The following IFT140 variants were observed in gnomAD, a reference collection of about 807,000 sequenced individuals.
IFT140 encodes the protein intraflagellar transport 140.
A neutral mutation model predicts 164.6 loss-of-function variants in IFT140; 133 were observed. The ratio of observed to expected loss-of-function variants is 0.81; its 90% CI spans 0.70 to 0.93. The LOEUF is 0.93. IFT140 is among the 40% of genes least tolerant of loss of function. The pLI, the probability that IFT140 is intolerant of heterozygous loss-of-function variation, is 0.00. For missense variants in IFT140, 2,045 were observed against 1,972.3 expected, an observed-to-expected ratio of 1.04 and a Z score of -0.70; for synonymous variants, 860 against 817.3, an observed-to-expected ratio of 1.05 and a Z score of -0.89.
chr16:1,536,157 G>A (rs1019573791), intron 19 of IFT140, among the ~76,000 whole-genome samples: 13 of 152,218 alleles, frequency 8.5e-5, no homozygotes, highest in African/African-American at 2.9e-4. Context: ...CCTCCTAACT[G>A]CTGCCACCAA....
chr16:1,601,278 A>AG (rs974365584), intron 4 of IFT140, among the ~76,000 whole-genome samples: 6 of 152,148 alleles, frequency 3.9e-5, no homozygotes, highest in African/African-American at 9.6e-5. Context: ...AAAAAAAAAA[A>AG]AGAGAGAGAC....
At chr16:1,556,832 C>T (rs888875131) in intron 19 of IFT140, among the ~76,000 whole-genome samples, 1 of 152,158 alleles carries the variant, frequency 6.6e-6, no homozygotes, top group Non-Finnish European at 1.5e-5. Context: ...TTCTTTTGGA[C>T]GGAGTCTCAC....
intron 4 of IFT140, among the ~76,000 whole-genome samples, chr16:1,596,886 C>T (rs2035491384): frequency 6.6e-6 from 1 of 152,124 alleles, no homozygotes; most frequent in Non-Finnish European, 1.5e-5. Context: ...GGGTGTCTCT[C>T]CACCATCTGT....
At chr16:1,536,864 C>T (rs149891354) in intron 19 of IFT140, among the ~76,000 whole-genome samples, 6 of 152,332 alleles carry the variant, frequency 3.9e-5, no homozygotes, top group East Asian at 3.9e-4. Context: ...CCCCCACTCA[C>T]GTGCACCCAT....
chr16:1,521,017 C>G (rs950554736), intron 26 of IFT140, among the ~76,000 whole-genome samples: 4 of 152,216 alleles, frequency 2.6e-5, no homozygotes, highest in Non-Finnish European at 4.4e-5. Flanking sequence ...GTTAACATTC[C>G]AGAATGGAAC....
chr16:1,528,184 C>A (rs2029931277), intron 19 of IFT140, among the ~76,000 whole-genome samples: 1 of 152,110 alleles, frequency 6.6e-6, no homozygotes, highest in Admixed American at 6.5e-5. Context: ...CAGACAAAGG[C>A]CCTGTTCCAA....
At position 1,602,501 on chromosome 16, in the gene IFT140, A is replaced by G; in HGVS notation, c.238T>C (p.Trp80Arg). 2 of 1,614,168 alleles carry G rather than the reference A, an allele frequency of 1.2e-6. No homozygotes were observed. Among genetic ancestry groups the G allele is most frequent in the Non-Finnish European group, 1.7e-6 (2 of 1,180,034 alleles). ...AACACCGTCACTTCTCCAGTCTCCC[A>G]GCCCACAGCCAGCACCAGCCGCGTC... The part of the protein sequence containing the change: ...HPTRLVLAVG[W>R]ETGEVTVFNK... Residue 80 changes from tryptophan to arginine, a missense_variant, in exon 4 of 31, where the codon TGG (tryptophan) becomes CGG (arginine). Physicochemically the swap from Trp to Arg is moderately radical, Grantham distance 101 (BLOSUM62 -3). Coordinates refer to ENST00000426508, the MANE Select transcript of IFT140 (RefSeq NM_014714.4).
rs1448611007 is a variant in IFT140 at position 1,551,884 on chromosome 16, G to C, written c.2399+6051C>G. 6.6e-6 allele frequency among the ~76,000 whole-genome samples: 1 copy of C among 152,090 alleles called. No individual in the cohort carries two copies. The highest frequency in any genetic ancestry group is 1.9e-4 in the East Asian group (1 of 5,172). ...TTTCCTAGAAAGCCACTGTAAATCC[G>C]AGCTGTGCACTCAGAAGCCTCCCGG... On this transcript the variant is annotated intron_variant, in intron 19 of 30. Transcript: ENST00000426508. The surrounding 1 kb of genome is among the most constrained non-coding windows in gnomAD (Gnocchi z 4.0).
intron 18 of IFT140, among the ~76,000 whole-genome samples, chr16:1,559,279 C>A (rs1176495910): frequency 1.3e-5 from 2 of 152,244 alleles, no homozygotes; most frequent in Non-Finnish European, 2.9e-5. Flanking sequence ...CCTCTGATAA[C>A]AATGTCAGCT....
chr16:1,524,023 G>T, intron 24 of IFT140, 67 bp from the exon 25 acceptor site: 1 of 1,571,772 alleles, frequency 6.4e-7, no homozygotes, highest in South Asian at 1.2e-5. Context: ...TGAGATTCTG[G>T]AATGTGGCCG....
chr16:1,519,330 A>C (rs1466875816), intron 29 of IFT140, among the ~76,000 whole-genome samples: 1 of 152,336 alleles, frequency 6.6e-6, no homozygotes, highest in Admixed American at 6.5e-5. Context: ...TGGTGGCCAC[A>C]CAGCAGCTCT....
chr16:1,583,509 C>T (rs1048506159), intron 11 of IFT140, 123 bp from the exon 12 acceptor site: 53 of 710,582 alleles, frequency 7.5e-5, no homozygotes, highest in Middle Eastern at 2.4e-4. Context: ...CATCATCCTA[C>T]GACTATGAGA....
rs759362311 is a variant in IFT140, at chr16:1,589,742, G to C, written c.673C>G (p.Gln225Glu). The change falls in exon 7 of 31, where the codon CAG becomes GAG. Residue 225 changes from glutamine (Q) to glutamate (E), a missense_variant. Coordinates refer to ENST00000426508, the MANE Select transcript of IFT140 (RefSeq NM_014714.4). ...ATCGTGCTGTCTGCGGACACCACCT[G>C]AGTGGTCTTGCCCTTCTCATCCACA... ...HYVDEKGKTTQVVSADSTIQM... is the reference protein window; with the variant it reads ...HYVDEKGKTTEVVSADSTIQM... 6.2e-7 allele frequency: 1 copy of C among 1,614,174 alleles called. No homozygotes were observed. The highest frequency in any genetic ancestry group is 8.5e-7 in the Non-Finnish European group (1 of 1,180,022).
At chr16:1,586,500 G>C (rs956598413) in intron 9 of IFT140, among the ~76,000 whole-genome samples, 1 of 152,182 alleles carries the variant, frequency 6.6e-6, no homozygotes, top group African/African-American at 2.4e-5. Context: ...CTTTCCTAGA[G>C]GCCAGTTGGC....
chr16:1,604,154 T>C (rs961665244), intron 3 of IFT140, among the ~76,000 whole-genome samples: 1 of 152,074 alleles, frequency 6.6e-6, no homozygotes, highest in African/African-American at 2.4e-5. Context: ...AAAAGTGGGG[T>C]TGGTGCTGGG....
intron 13 of IFT140, among the ~76,000 whole-genome samples, chr16:1,576,286 TAAAAAA>T (rs35262072): frequency 1.7e-5 from 2 of 115,380 alleles, no homozygotes; most frequent in African/African-American, 6.5e-5. Flanking sequence ...ACTCTGTCTT[TAAAAAA>T]AAAAAAAAAA....
At chr16:1,521,591 C>T (rs1421047581) in intron 26 of IFT140, among the ~76,000 whole-genome samples, 1 of 151,142 alleles carries the variant, frequency 6.6e-6, no homozygotes, top group East Asian at 2.0e-4. Context: ...AGGGTTTCTC[C>T]CTGTTGGTCA....
In IFT140 at chr16:1,510,795, C is replaced by G; in HGVS notation, c.*149G>C. ...AGACGGGTCACACCCTCCGCCGGCC[C>G]GGGCCGCTGCGTTCTCGCCCAGCTC... On this transcript the variant is annotated 3_prime_UTR_variant, in exon 31 of 31. Transcript: ENST00000426508. The G allele has an allele frequency of 1.3e-6, 1 of 755,540 alleles. No homozygotes were observed. The highest frequency in any genetic ancestry group is 1.6e-5 in the South Asian group (1 of 61,196). The allele number at this position is 755,540 out of a possible 1,614,324, so 46.8% of individuals were successfully genotyped here.
At chr16:1,525,748 C>A (rs1477904346) in intron 21 of IFT140, 139 bp downstream of exon 21, 4 of 900,950 alleles carry the variant, frequency 4.4e-6, no homozygotes, top group Non-Finnish European at 6.5e-6. Flanking sequence ...AAGCTTCCTG[C>A]CGAGAAGGCT....
Sources: allele counts gnomAD v4.1 joint callset (sites outside exome capture counted in the v4.1 genomes callset), GRCh38; gene constraint gnomAD v4.1.1; non-coding constraint Gnocchi (gnomAD v3.1); transcripts MANE v1.5; gene names NCBI Gene and HGNC (gene_info 2026-07-23, HGNC 2026-07-21).